The following MCC variants were observed in gnomAD, a reference collection of about 807,000 sequenced individuals.
The protein encoded by MCC is MCC regulator of Wnt signaling pathway.
In MCC, 90 loss-of-function variants were observed where a neutral mutation model predicts 116.2. That is an observed-to-expected ratio of 0.77 (90% confidence interval 0.65 to 0.92). The LOEUF is 0.92. MCC is among the 40% of genes least tolerant of loss of function. The pLI is 0.00. For synonymous variants in MCC, 578 were observed against 510.5 expected (o/e 1.13, Z -1.78); for missense variants, 1,516 against 1,312.2 (o/e 1.16, Z -2.40).
rs542789664 is a variant in MCC at position 113,022,994 on chromosome 5, A to G, written c.*4308T>C. The G allele has an allele frequency of 1.3e-5, 2 of 152,362 alleles. No homozygotes were observed. The highest frequency in any genetic ancestry group is 3.8e-4 in the East Asian group (2 of 5,196). The allele number at this position is 152,362 out of a possible 1,614,324, so 9.4% of individuals were successfully genotyped here. The stretch of plus-strand genomic sequence containing the variant: ...TGCATGTGAAACTGTCTTTCTCTAC[A>G]CAGGTATTAGCAAAACAAGAATACA... On this transcript the variant is annotated 3_prime_UTR_variant, in exon 19 of 19. Transcript: ENST00000408903.
intron 14 of MCC, among the ~76,000 whole-genome samples, chr5:113,062,912 A>G (rs1395707461): frequency 6.6e-6 from 1 of 152,124 alleles, no homozygotes; most frequent in Non-Finnish European, 1.5e-5. Flanking sequence ...AAGCATCAGT[A>G]TTTCTCCTCT....
chr5:113,179,475 A>G (rs79733662), intron 3 of MCC, among the ~76,000 whole-genome samples: 4,816 of 152,272 alleles, frequency 0.032, 145 homozygotes, highest in African/African-American at 0.072. Context: ...GAGGGAATGC[A>G]AAGGAAATTC....
intron 3 of MCC, among the ~76,000 whole-genome samples, chr5:113,290,267 A>C (rs971045798): frequency 3.3e-5 from 5 of 152,262 alleles, no homozygotes; most frequent in Non-Finnish European, 5.9e-5. Context: ...TGAAGATCTA[A>C]GAAGAAAGTA....
intron 2 of MCC, among the ~76,000 whole-genome samples, chr5:113,374,982 AC>A (rs1456651735): frequency 9.2e-6 from 1 of 108,196 alleles, no homozygotes; most frequent in Non-Finnish European, 1.8e-5. Flanking sequence ...ACAGAGTGAG[AC>A]CCTGTCTCAA....
intron 3 of MCC, among the ~76,000 whole-genome samples, chr5:113,295,244 T>A (rs182499647): frequency 1.7e-3 from 258 of 150,654 alleles, no homozygotes; most frequent in African/African-American, 5.9e-3. Flanking sequence ...TTTAATAAGG[T>A]CAAGACAAAC....
chr5:113,196,346 G>C (rs1198706924), intron 3 of MCC, among the ~76,000 whole-genome samples: 2 of 152,192 alleles, frequency 1.3e-5, no homozygotes, highest in Non-Finnish European at 2.9e-5. Context: ...AGTGGGTGAA[G>C]TGAGCAAGAG....
At chr5:113,440,846 A>C (rs1456956052) in intron 1 of MCC, among the ~76,000 whole-genome samples, 1 of 152,258 alleles carries the variant, frequency 6.6e-6, no homozygotes, top group African/African-American at 2.4e-5. Context: ...GCATATAATT[A>C]CTATGGCTGA....
intron 3 of MCC, among the ~76,000 whole-genome samples, chr5:113,215,052 CT>C (rs946720316): frequency 6.9e-6 from 1 of 144,998 alleles, no homozygotes; most frequent in Non-Finnish European, 1.5e-5. Context: ...GAACACAATC[CT>C]CATCTCTCCC....
At chr5:113,355,912 G>A (rs1414509054) in intron 2 of MCC, among the ~76,000 whole-genome samples, 2 of 152,072 alleles carry the variant, frequency 1.3e-5, no homozygotes, top group Non-Finnish European at 2.9e-5. Context: ...AGGCCAGTAA[G>A]GAAGCTGCAT....
At chr5:113,351,653 C>T (rs550364958) in intron 2 of MCC, among the ~76,000 whole-genome samples, 1 of 152,140 alleles carries the variant, frequency 6.6e-6, no homozygotes, top group East Asian at 1.9e-4. Flanking sequence ...GGGGACTGTA[C>T]TCAATAATTT....
chr5:113,025,054 C>T lies in MCC; in HGVS notation c.*2248G>A, dbSNP rs1372118443. 1 of 150,610 alleles carries T rather than the reference C, an allele frequency of 6.6e-6. No homozygotes were observed. The highest frequency in any genetic ancestry group is 2.5e-5 in the African/African-American group (1 of 40,788). 9.3% of individuals were successfully genotyped at this position (150,610 alleles called of 1,614,324 possible). The stretch of plus-strand genomic sequence containing the variant: ...AGAAGGGGAGGTTCTCTGATTTTAC[C>T]TGGAGCAAGAATGGAGACAGAAGTC... On this transcript the variant is annotated 3_prime_UTR_variant, in exon 19 of 19. Coordinates refer to ENST00000408903, the MANE Select transcript of MCC (RefSeq NM_001085377.2).
rs574262601 is a variant in MCC at position 113,245,642 on chromosome 5, C to T, written c.628-94220G>A. Reference sequence around the variant, plus strand: ...TTAATTTTGAAACTGTGCTACCACCCTGTAACCTTCCTAGAGAATATAAGG... The same window carrying T: ...TTAATTTTGAAACTGTGCTACCACCTTGTAACCTTCCTAGAGAATATAAGG... On this transcript the variant is annotated intron_variant, in intron 3 of 18. Transcript: ENST00000408903. Among the ~76,000 whole-genome samples the T allele has an allele frequency of 7.9e-5, 12 of 152,296 alleles. No individual in the cohort carries two copies. In the East Asian group the frequency reaches 2.3e-3, roughly 29 times the overall value.
At chr5:113,078,869 GT>G (rs1754648738) in intron 11 of MCC, among the ~76,000 whole-genome samples, 2 of 152,322 alleles carry the variant, frequency 1.3e-5, no homozygotes, top group South Asian at 4.1e-4. Context: ...AAGTCAAACT[GT>G]CCCTGTTTGC....
chr5:113,288,324 C>G (rs1766342966), intron 3 of MCC, among the ~76,000 whole-genome samples: 1 of 152,238 alleles, frequency 6.6e-6, no homozygotes, highest in Admixed American at 6.5e-5. Context: ...ATATTTAAAG[C>G]TTTATTCTTC....
intron 3 of MCC, among the ~76,000 whole-genome samples, chr5:113,283,043 C>T (rs1766109987): frequency 6.6e-6 from 1 of 152,200 alleles, no homozygotes; most frequent in Non-Finnish European, 1.5e-5. Context: ...TGCTGGGTGT[C>T]GGCCTGTGAA....
At chr5:113,454,509 A>G (rs1771487915) in intron 1 of MCC, among the ~76,000 whole-genome samples, 2 of 152,216 alleles carry the variant, frequency 1.3e-5, no homozygotes, top group African/African-American at 4.8e-5. Context: ...GTTAAATGTC[A>G]GTCATAATAA....
intron 1 of MCC, among the ~76,000 whole-genome samples, chr5:113,482,403 T>TAC (rs1772403398): frequency 6.6e-6 from 1 of 152,334 alleles, no homozygotes; most frequent in East Asian, 1.9e-4. Flanking sequence ...CTGATTTCTT[T>TAC]ACATCCTTGT....
intron 3 of MCC, among the ~76,000 whole-genome samples, chr5:113,230,904 T>C (rs1763916983): frequency 6.6e-6 from 1 of 152,166 alleles, no homozygotes; most frequent in Non-Finnish European, 1.5e-5. Flanking sequence ...CAATTCTTAT[T>C]ATCATGCTCC....
intron 3 of MCC, among the ~76,000 whole-genome samples, chr5:113,164,482 C>T (rs1291881488): frequency 6.6e-6 from 1 of 152,104 alleles, no homozygotes; most frequent in Non-Finnish European, 1.5e-5. Context: ...CCAGGGGCCC[C>T]TAGGATGTCA....
Sources: allele counts gnomAD v4.1 joint callset (sites outside exome capture counted in the v4.1 genomes callset), GRCh38; gene constraint gnomAD v4.1.1; transcripts MANE v1.5; gene names NCBI Gene and HGNC (gene_info 2026-07-23, HGNC 2026-07-21).